KIAA1217: variants seen among roughly 807,000 people sequenced by gnomAD.
The protein encoded by KIAA1217 is sickle tail protein homolog.
In KIAA1217, 88 loss-of-function variants were observed where a neutral mutation model predicts 163.9. The ratio of observed to expected loss-of-function variants is 0.54; its 90% CI spans 0.45 to 0.64. The LOEUF (loss-of-function observed/expected upper bound fraction) is 0.64, where lower values mean the gene tolerates loss of function less well. KIAA1217 is among the 30% of genes least tolerant of loss of function. The pLI is 0.00. For synonymous variants in KIAA1217, 903 were observed against 923.1 expected, an observed-to-expected ratio of 0.98 and a Z score of 0.39; for missense variants, 2,372 against 2,475.0, an observed-to-expected ratio of 0.96 and a Z score of 0.88.
chr10:24,232,309 A>G (rs995165007), intron 2 of KIAA1217, among the ~76,000 whole-genome samples: 1 of 152,240 alleles, frequency 6.6e-6, no homozygotes, highest in Non-Finnish European at 1.5e-5. Context: ...GGGATCATTC[A>G]TAACACATCG....
intron 5 of KIAA1217, among the ~76,000 whole-genome samples, chr10:24,467,944 T>TA (rs1004403914): frequency 1.3e-5 from 2 of 152,140 alleles, no homozygotes; most frequent in Non-Finnish European, 2.9e-5. Context: ...GCCATGTCTT[T>TA]ACTCATTAGC....
At chr10:24,081,015 A>G (rs1055503913) in intron 2 of KIAA1217, among the ~76,000 whole-genome samples, 1 of 152,220 alleles carries the variant, frequency 6.6e-6, no homozygotes, top group Non-Finnish European at 1.5e-5. Context: ...TGAGGGTTTT[A>G]CATTGCACTG....
At chr10:24,340,940 C>T (rs146889289) in intron 2 of KIAA1217, among the ~76,000 whole-genome samples, 42 of 152,126 alleles carry the variant, frequency 2.8e-4, no homozygotes, top group African/African-American at 9.6e-4. Context: ...AGCACGTGCA[C>T]GCTTGTAAAT....
At chr10:23,875,343 G>T (rs1564497661) in intron 1 of KIAA1217, among the ~76,000 whole-genome samples, 1 of 152,032 alleles carries the variant, frequency 6.6e-6, no homozygotes, top group South Asian at 2.1e-4. Flanking sequence ...AAAAGATATT[G>T]CATTGGGAAA....
At chr10:23,917,313 C>T (rs752810870) in intron 1 of KIAA1217, among the ~76,000 whole-genome samples, 2 of 152,140 alleles carry the variant, frequency 1.3e-5, no homozygotes, top group African/African-American at 2.4e-5. Flanking sequence ...TCAGAAGGAA[C>T]CACTCTCATT....
At chr10:24,405,093 G>A (rs890113738) in intron 3 of KIAA1217, among the ~76,000 whole-genome samples, 4 of 152,076 alleles carry the variant, frequency 2.6e-5, no homozygotes, top group Admixed American at 6.6e-5. Flanking sequence ...TGATAAAATC[G>A]TATAGAGCAA....
chr10:24,114,418 T>A (rs1052506270), intron 2 of KIAA1217, among the ~76,000 whole-genome samples: 2 of 152,132 alleles, frequency 1.3e-5, no homozygotes, highest in African/African-American at 2.4e-5. Flanking sequence ...CAAGTGATAA[T>A]TTTTTGCAGA....
chr10:23,746,779 G>A (rs1006826576), intron 1 of KIAA1217, among the ~76,000 whole-genome samples: 1 of 152,040 alleles, frequency 6.6e-6, no homozygotes, highest in African/African-American at 2.4e-5. Context: ...AGAAGTTTGG[G>A]GCAGAGGTGT....
chr10:24,115,619 T>C (rs2063021571), intron 2 of KIAA1217, among the ~76,000 whole-genome samples: 1 of 152,242 alleles, frequency 6.6e-6, no homozygotes, highest in South Asian at 2.1e-4. Context: ...CAGAGACCTC[T>C]GTCTTTCTGC....
At chr10:24,114,163 C>T in intron 2 of KIAA1217, among the ~76,000 whole-genome samples, 1 of 152,112 alleles carries the variant, frequency 6.6e-6, no homozygotes, top group East Asian at 1.9e-4. Context: ...AGGGCCCTGG[C>T]TGCAAGGGAG....
intron 2 of KIAA1217, among the ~76,000 whole-genome samples, chr10:24,253,736 G>GAA (rs1217554905): frequency 7.5e-6 from 1 of 133,916 alleles, no homozygotes. Flanking sequence ...TGTCTCCAAA[G>GAA]AAAAAAAAAA....
At chr10:24,426,447 C>T (rs1203633195) in intron 3 of KIAA1217, among the ~76,000 whole-genome samples, 2 of 152,100 alleles carry the variant, frequency 1.3e-5, no homozygotes. Flanking sequence ...CATACCAAAA[C>T]CCCGTCTCTA....
chr10:24,521,132 G>A (rs574280458), intron 11 of KIAA1217, among the ~76,000 whole-genome samples: 33 of 148,454 alleles, frequency 2.2e-4, no homozygotes, highest in Non-Finnish European at 2.4e-4. Context: ...TCAGGAGTTC[G>A]AAACCAGCCT....
chr10:24,139,622 T>C (rs764118352), intron 2 of KIAA1217, among the ~76,000 whole-genome samples: 21 of 152,314 alleles, frequency 1.4e-4, no homozygotes, highest in Non-Finnish European at 2.5e-4. Context: ...ATTTACTATG[T>C]GATATTGAAC....
intron 2 of KIAA1217, among the ~76,000 whole-genome samples, chr10:24,304,351 T>A (rs2041758312): frequency 6.6e-6 from 1 of 152,084 alleles, no homozygotes; most frequent in Non-Finnish European, 1.5e-5. Flanking sequence ...TTTTTAACAT[T>A]TAAAAAAATT....
chr10:24,437,906 C>CAAAAAAAAAAA (rs58645832), intron 4 of KIAA1217, among the ~76,000 whole-genome samples: 3 of 63,682 alleles, frequency 4.7e-5, no homozygotes, highest in African/African-American at 6.7e-5. Context: ...TGTTTGAAGG[C>CAAAAAAAAAAA]AAAAAAAAAA....
At chr10:24,077,454 A>C (rs1589412480) in intron 2 of KIAA1217, among the ~76,000 whole-genome samples, 1 of 152,218 alleles carries the variant, frequency 6.6e-6, no homozygotes, top group Non-Finnish European at 1.5e-5. Flanking sequence ...TTCCTGTGTT[A>C]GTTTGCTGAG....
At chr10:23,836,254 A>T (rs537126417) in intron 1 of KIAA1217, among the ~76,000 whole-genome samples, 1 of 152,216 alleles carries the variant, frequency 6.6e-6, no homozygotes, top group Non-Finnish European at 1.5e-5. Context: ...TTTTATTGCC[A>T]TGTTTTGTTT....
chr10:23,790,290 T>TGCATATATACATATGC lies in KIAA1217; in HGVS notation c.-321+95062_-321+95063insATACATATGCGCATAT, dbSNP rs1564422540. On this transcript the variant is annotated intron_variant, in intron 1 of 18. Transcript: ENST00000376462. ...ATATGCACATATGCATATGCACATA[T>TGCATATATACATATGC]GCATATGCACATATGCATATATACA... Among the ~76,000 whole-genome samples the TGCATATATACATATGC allele has an allele frequency of 5.8e-5, 5 of 86,954 alleles. 2 individuals are homozygous for TGCATATATACATATGC. Among genetic ancestry groups the TGCATATATACATATGC allele is most frequent in the South Asian group, 5.9e-4 (2 of 3,376 alleles). The allele number at this position is 86,954 out of a possible 152,430, so 57.0% of individuals were successfully genotyped here. A position where few individuals can be genotyped will look rare whatever the true frequency, so the allele number is the denominator to read the frequency against.
Sources: gnomAD v4.1 joint callset for allele counts (sites outside exome capture counted in the v4.1 genomes callset) on GRCh38, gnomAD v4.1.1 for gene constraint, MANE v1.5 for transcripts, NCBI Gene and HGNC (gene_info 2026-07-23, HGNC 2026-07-21) for gene names.